The following SRP68 variants were observed in gnomAD, a reference collection of about 807,000 sequenced individuals.
SRP68 encodes the protein signal recognition particle subunit SRP68.
Under a neutral mutation model 82.2 loss-of-function variants are expected in SRP68, and 15 were observed. That is an observed-to-expected ratio of 0.18 (90% CI 0.12 to 0.28). SRP68 has a LOEUF of 0.28. Among genes scored for constraint, SRP68 ranks in the 10% least tolerant of loss-of-function variants. The pLI is 1.00. For missense variants in SRP68, 595 were observed against 780.5 expected, an observed-to-expected ratio of 0.76 and a Z score of 2.83; for synonymous variants, 261 against 292.6, an observed-to-expected ratio of 0.89 and a Z score of 1.10.
At chr17:76,066,612 T>G (rs1445541236) in intron 3 of SRP68, among the ~76,000 whole-genome samples, 1 of 151,728 alleles carries the variant, frequency 6.6e-6, no homozygotes, top group Admixed American at 6.6e-5. Flanking sequence ...ACAGGTTTTT[T>G]TTTTTTTTTT....
chr17:76,046,448 T>C (rs1349528635), intron 10 of SRP68, among the ~76,000 whole-genome samples: 1 of 137,938 alleles, frequency 7.2e-6, no homozygotes, highest in African/African-American at 2.7e-5. Context: ...GCATCCTTTT[T>C]CAAGAACCAC....
At chr17:76,062,578 C>CATTATATATTATATAATATAT (rs1309091176) in intron 4 of SRP68, among the ~76,000 whole-genome samples, 1 of 36,322 alleles carries the variant, frequency 2.8e-5, no homozygotes, top group Non-Finnish European at 4.2e-5. Flanking sequence ...ATATAATATA[C>CATTATATATTATATAATATAT]ATTATATAAT....
intron 14 of SRP68, 69 bp downstream of exon 14, chr17:76,040,834 G>T: frequency 7.2e-7 from 1 of 1,394,896 alleles, no homozygotes; most frequent in Non-Finnish European, 1.0e-6. Context: ...CAGTAGTATG[G>T]GGTGTGACAG....
intron 5 of SRP68, 82 bp downstream of exon 5, chr17:76,061,408 GAA>G: frequency 1.6e-6 from 2 of 1,273,686 alleles, no homozygotes; most frequent in South Asian, 2.5e-5. Context: ...CACTTTCACA[GAA>G]ACAATCCACT....
At chr17:76,060,754 G>T in intron 6 of SRP68, 1 of 334,796 alleles carries the variant, frequency 3.0e-6, no homozygotes, top group Non-Finnish European at 5.5e-6. Flanking sequence ...GCTAATGAGA[G>T]AGGCTATGGA....
intron 8 of SRP68, among the ~76,000 whole-genome samples, chr17:76,055,707 TTGCACCGC>T (rs2066708451): frequency 6.6e-6 from 1 of 150,754 alleles, no homozygotes; most frequent in Non-Finnish European, 1.5e-5. Flanking sequence ...TGAGCAGAGA[TTGCACCGC>T]TGCACTCCAG....
intron 4 of SRP68, among the ~76,000 whole-genome samples, chr17:76,062,530 A>G (rs112843309): frequency 1.9e-5 from 2 of 107,090 alleles, no homozygotes; most frequent in Non-Finnish European, 3.6e-5. Flanking sequence ...TATATTATAT[A>G]ATATACATTA....
At chr17:76,053,112 A>C (rs2066686890) in intron 8 of SRP68, among the ~76,000 whole-genome samples, 1 of 151,816 alleles carries the variant, frequency 6.6e-6, no homozygotes, top group Non-Finnish European at 1.5e-5. Context: ...AAATGCAAAA[A>C]AAATTAGCCA....
chr17:76,061,012 G>A (rs1253793723), intron 6 of SRP68, 98 bp downstream of exon 6: 2 of 790,196 alleles, frequency 2.5e-6, no homozygotes, highest in African/African-American at 3.4e-5. Context: ...AAGCGAAGAA[G>A]AAAGTTACAT....
intron 4 of SRP68, among the ~76,000 whole-genome samples, chr17:76,062,575 A>G (rs572561188): frequency 1.6e-4 from 10 of 63,650 alleles, no homozygotes; most frequent in East Asian, 7.3e-4. Flanking sequence ...ATTATATAAT[A>G]TACATTATAT....
intron 14 of SRP68, 170 bp from the exon 15 acceptor site, chr17:76,040,644 C>A: frequency 1.4e-6 from 1 of 718,874 alleles, no homozygotes; most frequent in Non-Finnish European, 2.4e-6. Context: ...ACAGATCAAT[C>A]CCAGATCCAA....
chr17:76,061,983 T>TA (rs1238292126), intron 4 of SRP68, among the ~76,000 whole-genome samples: 1 of 149,036 alleles, frequency 6.7e-6, no homozygotes, highest in South Asian at 2.1e-4. Context: ...TACCAAAAAT[T>TA]AAAAAAAAAT....
rs1238365257 is a variant in SRP68, at chr17:76,072,517, C to T, written c.-26G>A. 1.3e-6 allele frequency: 2 copies of T among 1,575,512 alleles called. No individual in the cohort carries two copies. Among genetic ancestry groups the T allele is most frequent in the Admixed American group, 1.8e-5 (1 of 55,570 alleles). On this transcript the variant is annotated 5_prime_UTR_variant, in exon 1 of 16. Coordinates refer to ENST00000307877, the MANE Select transcript of SRP68 (RefSeq NM_014230.4). This position sits in a 1 kb window ranked among gnomAD's most constrained non-coding sequence, Gnocchi z 4.5. ...CTTGCCCCTGCGCCGCAGAGCAAGA[C>T]GGGATAGGGGAGGCGGGACGACCTG...
chr17:76,050,314 A>G, intron 9 of SRP68, 114 bp downstream of exon 9: 1 of 727,334 alleles, frequency 1.4e-6, no homozygotes. Flanking sequence ...AACAAAAACG[A>G]AACAGTGGCC....
intron 8 of SRP68, among the ~76,000 whole-genome samples, chr17:76,056,600 C>T (rs2066715491): frequency 6.6e-6 from 1 of 152,178 alleles, no homozygotes; most frequent in Non-Finnish European, 1.5e-5. Context: ...CCCATAGTAG[C>T]CATTCTGGAG....
In SRP68 at chr17:76,039,968, G is replaced by A. The variant is rs371513259; in HGVS notation, c.1657-35C>T. ...AAATCAAAGAGACGTATGTAGCATC[G>A]GTCACAGAACACCCTTGGTGAACAT... On this transcript the variant is annotated intron_variant, in intron 15 of 15. Transcript: ENST00000307877. 34 of 1,600,492 alleles carry A rather than the reference G, an allele frequency of 2.1e-5. No homozygotes were observed. In the Middle Eastern group the frequency reaches 1.2e-3, roughly 54 times the overall value.
chr17:76,046,008 G>T, intron 11 of SRP68, 30 bp downstream of exon 11: 1 of 1,612,748 alleles, frequency 6.2e-7, no homozygotes, highest in Non-Finnish European at 8.5e-7. Context: ...AAAACCACAG[G>T]CCCTTGCCTT....
At chr17:76,043,611 G>T in intron 13 of SRP68, 5 of 320,244 alleles carry the variant, frequency 1.6e-5, no homozygotes, top group African/African-American at 2.2e-5. Flanking sequence ...TCAGAAAAAT[G>T]CCTTCCCTTC....
chr17:76,062,826 A>C (rs1429455687), intron 4 of SRP68, among the ~76,000 whole-genome samples: 1 of 133,530 alleles, frequency 7.5e-6, no homozygotes, highest in Non-Finnish European at 1.5e-5. Flanking sequence ...GCTGGAGCGC[A>C]GTGGCACAAT....
Sources: gnomAD v4.1 joint callset for allele counts (sites outside exome capture counted in the v4.1 genomes callset) on GRCh38, gnomAD v4.1.1 for gene constraint, Gnocchi (gnomAD v3.1) non-coding constraint, MANE v1.5 for transcripts, NCBI Gene and HGNC (gene_info 2026-07-23, HGNC 2026-07-21) for gene names.